Variants in CSGALNACT1 observed in about 807,000 individuals in gnomAD.
CSGALNACT1 encodes the protein beta4GalNAcT-1.
Under a neutral mutation model 51.0 loss-of-function variants are expected in CSGALNACT1, and 52 were observed. The ratio of observed to expected loss-of-function variants is 1.02; its 90% CI spans 0.82 to 1.29. The LOEUF (loss-of-function observed/expected upper bound fraction) is 1.29, where lower values mean the gene tolerates loss of function less well. Ranked by LOEUF, CSGALNACT1 falls within the 50% of genes most tolerant of loss-of-function variation. The pLI, the probability that CSGALNACT1 is intolerant of heterozygous loss-of-function variation, is 0.00. For synonymous variants in CSGALNACT1, 341 were observed against 254.4 expected, an observed-to-expected ratio of 1.34 and a Z score of -3.24; for missense variants, 935 against 679.2, an observed-to-expected ratio of 1.38 and a Z score of -4.19.
At chr8:19,426,150 G>A (rs1288345163) in intron 6 of CSGALNACT1, among the ~76,000 whole-genome samples, 3 of 152,174 alleles carry the variant, frequency 2.0e-5, no homozygotes, top group South Asian at 2.1e-4. Context: ...TCCACTGGAC[G>A]AATCAAGAGC....
intron 1 of CSGALNACT1, among the ~76,000 whole-genome samples, chr8:19,650,170 T>G (rs2057671019): frequency 6.6e-6 from 1 of 152,166 alleles, no homozygotes; most frequent in Non-Finnish European, 1.5e-5. Flanking sequence ...AGATGACATT[T>G]TGAGTAGCAA....
intron 1 of CSGALNACT1, among the ~76,000 whole-genome samples, chr8:19,737,931 A>T (rs1156549268): frequency 6.6e-6 from 1 of 152,242 alleles, no homozygotes; most frequent in Admixed American, 6.5e-5. Flanking sequence ...ACAGAGTTTC[A>T]GTTTGACAAT....
intron 1 of CSGALNACT1, among the ~76,000 whole-genome samples, chr8:19,631,625 T>A (rs17128745): frequency 1.3e-5 from 2 of 152,186 alleles, no homozygotes; most frequent in East Asian, 1.9e-4. Context: ...CCAAAATACT[T>A]TGCAATTGAA....
At chr8:19,407,091 C>A (rs951051103) in intron 9 of CSGALNACT1, among the ~76,000 whole-genome samples, 1 of 152,166 alleles carries the variant, frequency 6.6e-6, no homozygotes, top group African/African-American at 2.4e-5. Context: ...TGTCCAAGAA[C>A]ACCTGCTGTT....
At chr8:19,755,865 G>A (rs566886269) in intron 1 of CSGALNACT1, among the ~76,000 whole-genome samples, 2 of 152,178 alleles carry the variant, frequency 1.3e-5, no homozygotes, top group Admixed American at 6.5e-5. Context: ...ATATGGTGTG[G>A]CAGCTCAAGG....
chr8:19,530,211 ACT>A (rs776213788), intron 3 of CSGALNACT1, among the ~76,000 whole-genome samples: 11 of 148,940 alleles, frequency 7.4e-5, no homozygotes, highest in Non-Finnish European at 1.5e-4. Context: ...ACAGAGCGAG[ACT>A]CTGGCTGAAA....
intron 1 of CSGALNACT1, among the ~76,000 whole-genome samples, chr8:19,721,997 T>A (rs1254897870): frequency 7.1e-6 from 1 of 141,066 alleles, no homozygotes; most frequent in Admixed American, 7.4e-5. Flanking sequence ...TAGTAAGTCT[T>A]CGACTCAAGC....
At chr8:19,436,927 C>T (rs2060475145) in intron 6 of CSGALNACT1, among the ~76,000 whole-genome samples, 2 of 152,112 alleles carry the variant, frequency 1.3e-5, no homozygotes, top group South Asian at 4.1e-4. Flanking sequence ...ATACAAAACA[C>T]ATTACTATGT....
Position 19,487,444 on chromosome 8 carries a change from C to A in CSGALNACT1, c.634+17757G>T, listed in dbSNP as rs149112546. On this transcript the variant is annotated intron_variant, in intron 4 of 9. Transcript: ENST00000454498. ...CCAGGACACGGCCCACATGTCAACA[C>A]GATGGTGGAGCCCACACCTACTGCA... is the stretch of plus-strand genomic sequence containing the variant. Among the ~76,000 whole-genome samples, 1,066 of 152,262 alleles carry A rather than the reference C, an allele frequency of 7.0e-3. 15 individuals are homozygous for A. Among genetic ancestry groups the A allele is most frequent in the African/African-American group, 0.024 (1,015 of 41,540 alleles).
At chr8:19,520,027 G>A (rs774411941) in intron 3 of CSGALNACT1, among the ~76,000 whole-genome samples, 2 of 152,234 alleles carry the variant, frequency 1.3e-5, no homozygotes, top group Non-Finnish European at 1.5e-5. Context: ...TTTTGCTGGC[G>A]TGTTCTAGGT....
chr8:19,438,124 G>T (rs1243150333), intron 6 of CSGALNACT1, among the ~76,000 whole-genome samples: 3 of 151,440 alleles, frequency 2.0e-5, no homozygotes, highest in Non-Finnish European at 4.4e-5. Flanking sequence ...CCATAGGAAG[G>T]AGGCTGTGAA....
chr8:19,466,673 G>A (rs1309873709), intron 4 of CSGALNACT1, among the ~76,000 whole-genome samples: 1 of 152,176 alleles, frequency 6.6e-6, no homozygotes, highest in East Asian at 1.9e-4. Flanking sequence ...ATTTGTGGAA[G>A]AGATGTCCTA....
intron 4 of CSGALNACT1, among the ~76,000 whole-genome samples, chr8:19,459,149 ACTGAGGTGGGCATATCAC>A (rs1476874932): frequency 2.0e-5 from 3 of 152,096 alleles, no homozygotes; most frequent in Admixed American, 6.5e-5. Context: ...ACTTTGAGAG[ACTGAGGTGGGCATATCAC>A]CTGAGGTTAA....
chr8:19,457,926 A>G, intron 5 of CSGALNACT1: 1 of 695,502 alleles, frequency 1.4e-6, no homozygotes, highest in South Asian at 1.5e-5. Context: ...GGTTACAATA[A>G]AAGATAGATT....
chr8:19,549,323 G>A (rs957614223), intron 3 of CSGALNACT1, among the ~76,000 whole-genome samples: 3 of 151,936 alleles, frequency 2.0e-5, no homozygotes, highest in Non-Finnish European at 4.4e-5. Flanking sequence ...GCCCAATGAT[G>A]CACTGTCATT....
chr8:19,704,991 G>A (rs2062077178), intron 1 of CSGALNACT1, among the ~76,000 whole-genome samples: 1 of 152,176 alleles, frequency 6.6e-6, no homozygotes, highest in African/African-American at 2.4e-5. Flanking sequence ...ATTACAAGAT[G>A]AATAAGTTCT....
upstream of CSGALNACT1, among the ~76,000 whole-genome samples, chr8:19,684,334 A>C (rs932402364): frequency 6.6e-6 from 1 of 152,196 alleles, no homozygotes; most frequent in Non-Finnish European, 1.5e-5. Flanking sequence ...TCATTGACAA[A>C]GGTATTGAAG....
chr8:19,650,585 G>A (rs755505012), intron 1 of CSGALNACT1, among the ~76,000 whole-genome samples: 4 of 152,148 alleles, frequency 2.6e-5, no homozygotes, highest in Non-Finnish European at 5.9e-5. Context: ...CGGGGTCAAC[G>A]TGGTCCTGGT....
chr8:19,599,542 G>T (rs1256700271), intron 2 of CSGALNACT1, among the ~76,000 whole-genome samples: 1 of 130,506 alleles, frequency 7.7e-6, no homozygotes, highest in Non-Finnish European at 1.7e-5. Flanking sequence ...AGAAAAAGAA[G>T]GAAAGAAAGA....
Sources: gnomAD v4.1 joint callset for allele counts (sites outside exome capture counted in the v4.1 genomes callset) on GRCh38, gnomAD v4.1.1 for gene constraint, MANE v1.5 for transcripts, NCBI Gene and HGNC (gene_info 2026-07-23, HGNC 2026-07-21) for gene names.